The following KIF26B variants were observed in gnomAD, a reference collection of about 807,000 sequenced individuals.
The protein encoded by KIF26B is kinesin family member 26B, also known as kinesin-like protein KIF26B.
Under a neutral mutation model 151.2 loss-of-function variants are expected in KIF26B, and 63 were observed. The observed-to-expected ratio is 0.42, with a 90% CI of 0.34 to 0.51. KIF26B has a LOEUF of 0.51. KIF26B is among the 20% of genes least tolerant of loss of function. The pLI, the probability that KIF26B is intolerant of heterozygous loss-of-function variation, is 0.07. For synonymous variants in KIF26B, 1,357 were observed against 1,262.1 expected (o/e 1.08, Z -1.59); for missense variants, 2,813 against 2,913.6 (o/e 0.97, Z 0.79).
rs1649369482 is a variant in KIF26B, at chr1:245,170,848, A to G, written c.465+14165A>G. On this transcript the variant is annotated intron_variant, in intron 2 of 14. Coordinates refer to ENST00000407071, the MANE Select transcript of KIF26B (RefSeq NM_018012.4). This position sits in a 1 kb window ranked among gnomAD's most constrained non-coding sequence, Gnocchi z 4.4. ...CATAAGCGTTCAGTCTGTTGCAGCAAGCATGAGGTCACTTGTCTAGACACT... is the reference window on the plus strand; with the variant it reads ...CATAAGCGTTCAGTCTGTTGCAGCAGGCATGAGGTCACTTGTCTAGACACT... Among the ~76,000 whole-genome samples the G allele has an allele frequency of 5.3e-5, 8 of 152,328 alleles. No individual in the cohort carries two copies. In the South Asian group the frequency reaches 1.7e-3, roughly 32 times the overall value.
intron 5 of KIF26B, among the ~76,000 whole-genome samples, chr1:245,579,419 G>A (rs57512613): frequency 6.6e-6 from 1 of 151,968 alleles, no homozygotes; most frequent in Non-Finnish European, 1.5e-5. Context: ...GACCACTGCA[G>A]CCCAGGAGTT....
intron 4 of KIF26B, among the ~76,000 whole-genome samples, chr1:245,441,883 G>A (rs1352637074): frequency 2.6e-5 from 4 of 152,174 alleles, no homozygotes; most frequent in Non-Finnish European, 5.9e-5. Flanking sequence ...GATAGCATCT[G>A]CTTCCTGTCC....
chr1:245,381,643 G>A (rs1437064855), intron 3 of KIF26B, among the ~76,000 whole-genome samples: 1 of 152,114 alleles, frequency 6.6e-6, no homozygotes, highest in African/African-American at 2.4e-5. Flanking sequence ...TTGACATGAT[G>A]TGCAGCCATC....
At position 245,404,445 on chromosome 1, in the gene KIF26B, A is replaced by G. The variant is rs143641795; in HGVS notation, c.1000-15134A>G. Among the ~76,000 whole-genome samples the G allele has an allele frequency of 3.7e-3, 566 of 152,228 alleles. 5 individuals are homozygous for G. The highest frequency in any genetic ancestry group is 0.013 in the African/African-American group (551 of 41,534). On this transcript the variant is annotated intron_variant, in intron 3 of 14. Coordinates refer to ENST00000407071, the MANE Select transcript of KIF26B (RefSeq NM_018012.4). The stretch of plus-strand genomic sequence containing the variant: ...ATCCCTGAGGTGTCAGGGAATGCCA[A>G]TCTCGCTGGTTCCGGTTTATTAGCT...
chr1:245,650,048 G>C (rs1431297545), intron 10 of KIF26B, among the ~76,000 whole-genome samples: 2 of 152,164 alleles, frequency 1.3e-5, no homozygotes, highest in African/African-American at 4.8e-5. Context: ...TTGCCGGCCA[G>C]TCCAGGCGCC....
intron 4 of KIF26B, among the ~76,000 whole-genome samples, chr1:245,472,445 T>G (rs548260034): frequency 2.5e-4 from 38 of 152,050 alleles, no homozygotes; most frequent in Non-Finnish European, 5.3e-4. Context: ...TTTTGGGGGG[T>G]TTGGAAATAT....
intron 2 of KIF26B, among the ~76,000 whole-genome samples, chr1:245,260,767 G>T (rs572989643): frequency 6.6e-6 from 1 of 152,290 alleles, no homozygotes; most frequent in East Asian, 1.9e-4. Flanking sequence ...TGGGGTGGGT[G>T]CTCAACCCAC....
chr1:245,633,874 A>G (rs1350451091), intron 9 of KIF26B, among the ~76,000 whole-genome samples: 1 of 152,158 alleles, frequency 6.6e-6, no homozygotes, highest in East Asian at 1.9e-4. Context: ...TTGTAGAGGC[A>G]CAGTCATAGC....
intron 4 of KIF26B, among the ~76,000 whole-genome samples, chr1:245,484,018 T>C (rs1008543857): frequency 5.3e-5 from 8 of 151,902 alleles, no homozygotes; most frequent in Admixed American, 2.0e-4. Flanking sequence ...TTCCTCATTC[T>C]AATGCCCTCT....
At chr1:245,471,312 A>G (rs897968224) in intron 4 of KIF26B, among the ~76,000 whole-genome samples, 1 of 151,770 alleles carries the variant, frequency 6.6e-6, no homozygotes, top group African/African-American at 2.4e-5. Context: ...TATTGTATTT[A>G]TAGTAGAGAC....
chr1:245,558,065 C>T (rs1662078820), intron 5 of KIF26B, among the ~76,000 whole-genome samples: 1 of 152,178 alleles, frequency 6.6e-6, no homozygotes, highest in Non-Finnish European at 1.5e-5. Flanking sequence ...AGTGGGTGAT[C>T]AACTACAGCC....
chr1:245,549,060 T>C (rs1029641679), intron 5 of KIF26B, among the ~76,000 whole-genome samples: 23 of 152,186 alleles, frequency 1.5e-4, no homozygotes, highest in Admixed American at 3.9e-4. Context: ...CAACTTTTGA[T>C]CTCAATTCTG....
At chr1:245,243,441 T>TAGACAC (rs762132705) in intron 2 of KIF26B, among the ~76,000 whole-genome samples, 1 of 34,480 alleles carries the variant, frequency 2.9e-5, no homozygotes, top group Non-Finnish European at 7.0e-5. Flanking sequence ...CATACATATA[T>TAGACAC]ATATATACAC....
intron 3 of KIF26B, among the ~76,000 whole-genome samples, chr1:245,405,533 C>A (rs113494319): frequency 2.6e-5 from 4 of 152,042 alleles, no homozygotes; most frequent in Non-Finnish European, 5.9e-5. Context: ...TAGAACTGAG[C>A]CCCTGGCTTA....
intron 5 of KIF26B, among the ~76,000 whole-genome samples, chr1:245,599,255 T>C (rs2043366437): frequency 6.6e-6 from 1 of 152,212 alleles, no homozygotes; most frequent in African/African-American, 2.4e-5. Context: ...GCAGAAAAAC[T>C]TAATTTCCTT....
intron 2 of KIF26B, among the ~76,000 whole-genome samples, chr1:245,224,387 G>A (rs1325455641): frequency 1.3e-5 from 2 of 152,112 alleles, no homozygotes; most frequent in East Asian, 1.9e-4. Context: ...GGGCGTATAC[G>A]CAGTTGTTTG....
intron 2 of KIF26B, among the ~76,000 whole-genome samples, chr1:245,303,522 C>G (rs1296588921): frequency 6.6e-6 from 1 of 152,188 alleles, no homozygotes; most frequent in Non-Finnish European, 1.5e-5. Flanking sequence ...AGATCCTTTC[C>G]AGCCCTGACA....
chr1:245,623,025 AGTTTT>A (rs2043681569), intron 9 of KIF26B, among the ~76,000 whole-genome samples: 2 of 96,034 alleles, frequency 2.1e-5, no homozygotes, highest in South Asian at 4.4e-4. Context: ...ATCGTGAGCA[AGTTTT>A]TTTTTTTTTT....
chr1:245,332,583 C>T (rs1267064162), intron 2 of KIF26B, among the ~76,000 whole-genome samples: 1 of 152,100 alleles, frequency 6.6e-6, no homozygotes, highest in Non-Finnish European at 1.5e-5. Context: ...TCTTGCCTTT[C>T]CCCCCACCAC....
Sources: gnomAD v4.1 joint callset for allele counts (sites outside exome capture counted in the v4.1 genomes callset) on GRCh38, gnomAD v4.1.1 for gene constraint, Gnocchi (gnomAD v3.1) non-coding constraint, MANE v1.5 for transcripts, NCBI Gene and HGNC (gene_info 2026-07-23, HGNC 2026-07-21) for gene names.